The following KIAA0825 variants were observed in gnomAD, a reference collection of about 807,000 sequenced individuals.
The protein encoded by KIAA0825 is KIAA0825, also known as uncharacterized protein KIAA0825.
Under a neutral mutation model 147.6 loss-of-function variants are expected in KIAA0825, and 119 were observed. The observed-to-expected ratio is 0.81, with a 90% CI of 0.69 to 0.94. The LOEUF is 0.94. KIAA0825 is among the 40% of genes least tolerant of loss of function. The probability of loss-of-function intolerance (pLI) is 0.00; values close to 1 mark genes in which losing one functional copy is unlikely to be tolerated. For missense variants in KIAA0825, 1,381 were observed against 1,472.7 expected, an observed-to-expected ratio of 0.94 and a Z score of 1.02; for synonymous variants, 470 against 518.1, an observed-to-expected ratio of 0.91 and a Z score of 1.26.
intron 3 of KIAA0825, among the ~76,000 whole-genome samples, chr5:94,533,227 C>G (rs1771242105): frequency 1.3e-5 from 2 of 151,380 alleles, no homozygotes. Context: ...ATCCGCCCGC[C>G]TCGGCCTCCC....
intron 20 of KIAA0825, among the ~76,000 whole-genome samples, chr5:94,208,552 A>G (rs1305167865): frequency 6.6e-6 from 1 of 152,202 alleles, no homozygotes; most frequent in African/African-American, 2.4e-5. Context: ...CAAGGTGGCA[A>G]TGCTAGAAAA....
intron 20 of KIAA0825, among the ~76,000 whole-genome samples, chr5:94,186,460 A>T (rs1283483390): frequency 1.3e-5 from 2 of 152,188 alleles, no homozygotes; most frequent in African/African-American, 4.8e-5. Context: ...CAAATGACAT[A>T]AGCAAGGGAT....
At chr5:94,563,352 C>T (rs1293642638) in intron 2 of KIAA0825, among the ~76,000 whole-genome samples, 7 of 129,326 alleles carry the variant, frequency 5.4e-5, no homozygotes, top group East Asian at 2.0e-4. Flanking sequence ...AGTAAGACTC[C>T]GTCTCAAAAA....
At chr5:94,572,566 G>A (rs955566425) in intron 2 of KIAA0825, among the ~76,000 whole-genome samples, 24 of 152,080 alleles carry the variant, frequency 1.6e-4, no homozygotes, top group South Asian at 6.2e-4. Flanking sequence ...ACTCAAAAAC[G>A]AAAAATCTGC....
chr5:94,322,645 T>C (rs546132413), intron 20 of KIAA0825, among the ~76,000 whole-genome samples: 3 of 151,776 alleles, frequency 2.0e-5, no homozygotes, highest in Non-Finnish European at 2.9e-5. Flanking sequence ...TGCCAGCAAA[T>C]GAGGTAGCTG....
chr5:94,399,565 G>C (rs1180041713), intron 16 of KIAA0825, among the ~76,000 whole-genome samples: 1 of 152,102 alleles, frequency 6.6e-6, no homozygotes, highest in African/African-American at 2.4e-5. Flanking sequence ...CTGAGTCTAT[G>C]ATGATGTCAA....
chr5:94,594,302 C>A, intron 1 of KIAA0825: 1 of 649,650 alleles, frequency 1.5e-6, no homozygotes. Context: ...GGTTTCTCGA[C>A]TGCTTCTGTC....
At chr5:94,413,426 A>G (rs1753030124) in intron 15 of KIAA0825, 1 of 152,240 alleles carries the variant, frequency 6.6e-6, no homozygotes, top group Admixed American at 6.5e-5. Flanking sequence ...TGGATAAAAA[A>G]AGTACTACTC....
At chr5:94,475,387 T>A (rs879451148) in intron 7 of KIAA0825, among the ~76,000 whole-genome samples, 19 of 147,630 alleles carry the variant, frequency 1.3e-4, no homozygotes, top group Admixed American at 4.6e-4. Context: ...ATTGAATTTT[T>A]AAAAATTTTT....
intron 20 of KIAA0825, among the ~76,000 whole-genome samples, chr5:94,337,457 G>A (rs2926571): frequency 0.2 from 29,956 of 151,902 alleles, 3,469 homozygotes; most frequent in Middle Eastern, 0.26. Flanking sequence ...ATATACTATC[G>A]TTTCTCTATT....
chr5:94,465,469 CATT>C lies in KIAA0825; in HGVS notation c.1873-413_1873-411del, dbSNP rs1760372528. Among the ~76,000 whole-genome samples, 4 of 152,252 alleles carry C rather than the reference CATT, an allele frequency of 2.6e-5. No individual in the cohort carries two copies. In the South Asian group the frequency reaches 8.3e-4, roughly 32 times the overall value. On this transcript the variant is annotated intron_variant, in intron 10 of 20. Coordinates refer to ENST00000682413, the MANE Select transcript of KIAA0825 (RefSeq NM_001145678.3). ...TATATTTTTCTGAGCCTATTAGCAT[CATT>C]AAGGTAATTTTATAAATGTTTCAGA...
At chr5:94,575,420 C>T (rs1277906512) in intron 2 of KIAA0825, among the ~76,000 whole-genome samples, 3 of 151,738 alleles carry the variant, frequency 2.0e-5, no homozygotes, top group African/African-American at 7.3e-5. Flanking sequence ...TAGCTTGGGG[C>T]CACTGAGTGA....
intron 14 of KIAA0825, among the ~76,000 whole-genome samples, chr5:94,420,486 G>T (rs1022877309): frequency 6.6e-6 from 1 of 152,094 alleles, no homozygotes; most frequent in Non-Finnish European, 1.5e-5. Context: ...TATGTATATG[G>T]TATGTGGTAA....
chr5:94,365,794 G>T (rs1248875771), intron 20 of KIAA0825, among the ~76,000 whole-genome samples: 1 of 152,218 alleles, frequency 6.6e-6, no homozygotes, highest in Non-Finnish European at 1.5e-5. Context: ...GCCTTTACAG[G>T]ACTAACAAAT....
chr5:94,319,717 T>A (rs1030131140), intron 20 of KIAA0825, among the ~76,000 whole-genome samples: 1 of 151,968 alleles, frequency 6.6e-6, no homozygotes, highest in Non-Finnish European at 1.5e-5. Context: ...CTTTTTACTA[T>A]CCCCATCAAC....
chr5:94,557,929 T>G (rs1584884786), intron 2 of KIAA0825, among the ~76,000 whole-genome samples: 1 of 152,304 alleles, frequency 6.6e-6, no homozygotes, highest in East Asian at 1.9e-4. Context: ...ACAGACCCGC[T>G]GCTAACTTCC....
chr5:94,565,487 G>A (rs531025314), intron 2 of KIAA0825, among the ~76,000 whole-genome samples: 10 of 151,512 alleles, frequency 6.6e-5, no homozygotes, highest in Admixed American at 2.6e-4. Flanking sequence ...GATTACAGGC[G>A]CCCACCACCA....
intron 2 of KIAA0825, among the ~76,000 whole-genome samples, chr5:94,551,498 C>T (rs1458396115): frequency 6.6e-6 from 1 of 151,950 alleles, no homozygotes; most frequent in South Asian, 2.1e-4. Context: ...AATGCAATCC[C>T]CAATGGACTA....
At chr5:94,383,354 A>G (rs2150520591) in intron 20 of KIAA0825, among the ~76,000 whole-genome samples, 1 of 152,320 alleles carries the variant, frequency 6.6e-6, no homozygotes, top group Admixed American at 6.5e-5. Flanking sequence ...TCTGAGAAAT[A>G]CTGCAACCTC....
Sources: allele counts gnomAD v4.1 joint callset (sites outside exome capture counted in the v4.1 genomes callset), GRCh38; gene constraint gnomAD v4.1.1; transcripts MANE v1.5; gene names NCBI Gene and HGNC (gene_info 2026-07-23, HGNC 2026-07-21).